The following ZCWPW2 variants were observed in gnomAD, a reference collection of about 807,000 sequenced individuals.
ZCWPW2 encodes zinc finger CW-type PWWP domain protein 2.
ZCWPW2 carries 45 observed loss-of-function variants against 46.6 expected under a neutral mutation model. The observed-to-expected ratio is 0.96, with a 90% confidence interval of 0.76 to 1.24. The LOEUF (loss-of-function observed/expected upper bound fraction) is 1.24. Among genes scored for constraint, ZCWPW2 ranks in the 50% most tolerant of loss-of-function variants. ZCWPW2 has a pLI of 0.00. For missense variants in ZCWPW2, 429 were observed against 403.9 expected (o/e 1.06, Z -0.53); for synonymous variants, 152 against 137.1 (o/e 1.11, Z -0.76).
At chr3:28,495,774 A>C (rs1451447921) in intron 6 of ZCWPW2, among the ~76,000 whole-genome samples, 4 of 152,044 alleles carry the variant, frequency 2.6e-5, no homozygotes, top group Non-Finnish European at 5.9e-5. Context: ...CCTTTACCAC[A>C]GATAGTTTGA....
chr3:28,504,927 A>G (rs1324630477), intron 6 of ZCWPW2, among the ~76,000 whole-genome samples: 6 of 152,180 alleles, frequency 3.9e-5, no homozygotes, highest in African/African-American at 1.4e-4. Flanking sequence ...TACAAAAAGA[A>G]ATACCTGGAT....
At position 28,436,039 on chromosome 3, in the gene ZCWPW2, C is replaced by G. The variant is rs147573863; in HGVS notation, c.492+770C>G. ...TTGACTCTTTTTAAACTTTAAATCT[C>G]ACATTATAATTAATAGATAGATTAT... is the stretch of plus-strand genomic sequence containing the variant. On this transcript the variant is annotated intron_variant, in intron 4 of 9. Coordinates refer to ENST00000383768, the MANE Select transcript of ZCWPW2 (RefSeq NM_001040432.4). 6.6e-4 allele frequency among the ~76,000 whole-genome samples: 101 copies of G among 152,222 alleles called. 2 individuals are homozygous for G. Among genetic ancestry groups the G allele is most frequent in the African/African-American group, 2.3e-3 (94 of 41,540 alleles).
At chr3:28,372,246 G>A (rs1705360742) in intron 1 of ZCWPW2, among the ~76,000 whole-genome samples, 1 of 152,104 alleles carries the variant, frequency 6.6e-6, no homozygotes, top group African/African-American at 2.4e-5. Context: ...GATGTAGTTA[G>A]AGATTTATGT....
intron 1 of ZCWPW2, among the ~76,000 whole-genome samples, chr3:28,368,262 A>G (rs1264098952): frequency 6.6e-6 from 1 of 152,100 alleles, no homozygotes; most frequent in Admixed American, 6.6e-5. Flanking sequence ...ACAATTTGGC[A>G]TGTTTTTGCA....
chr3:28,512,910 A>G (rs1386854195), intron 6 of ZCWPW2, among the ~76,000 whole-genome samples: 1 of 151,706 alleles, frequency 6.6e-6, no homozygotes, highest in African/African-American at 2.4e-5. Context: ...ATTTAGGTTT[A>G]TTGCTGTAAT....
intron 1 of ZCWPW2, among the ~76,000 whole-genome samples, chr3:28,360,751 C>A (rs970913082): frequency 1.3e-5 from 2 of 150,924 alleles, no homozygotes; most frequent in Middle Eastern, 3.2e-3. Flanking sequence ...AAAACAAAAA[C>A]AAAAACAGAA....
chr3:28,450,724 A>G (rs1317496921), intron 4 of ZCWPW2, among the ~76,000 whole-genome samples: 2 of 152,132 alleles, frequency 1.3e-5, no homozygotes, highest in Admixed American at 6.5e-5. Flanking sequence ...AGATATTCCT[A>G]TATACATATA....
At chr3:28,380,714 T>C (rs1391358593) in intron 1 of ZCWPW2, among the ~76,000 whole-genome samples, 1 of 151,644 alleles carries the variant, frequency 6.6e-6, no homozygotes, top group Non-Finnish European at 1.5e-5. Flanking sequence ...TAGTCAAACT[T>C]GATTAATCTC....
At chr3:28,521,225 T>G in intron 9 of ZCWPW2, 109 bp downstream of exon 9, 1 of 1,236,572 alleles carries the variant, frequency 8.1e-7, no homozygotes, top group East Asian at 3.0e-5. Context: ...TTTTCATGTC[T>G]GAAATTTGAG....
At chr3:28,422,309 T>G (rs935679057) in intron 3 of ZCWPW2, among the ~76,000 whole-genome samples, 1 of 152,206 alleles carries the variant, frequency 6.6e-6, no homozygotes, top group Non-Finnish European at 1.5e-5. Context: ...TAATGACATG[T>G]GTCCACCATT....
intron 8 of ZCWPW2, among the ~76,000 whole-genome samples, chr3:28,516,189 G>A (rs951591122): frequency 1.3e-5 from 2 of 150,926 alleles, no homozygotes; most frequent in Admixed American, 6.6e-5. Context: ...GCAGTGAGCC[G>A]AGATCACACC....
chr3:28,483,357 T>C (rs898672675), intron 5 of ZCWPW2, among the ~76,000 whole-genome samples: 2 of 152,170 alleles, frequency 1.3e-5, no homozygotes, highest in African/African-American at 4.8e-5. Flanking sequence ...GTCTGTTCTT[T>C]TGCCAATACC....
chr3:28,487,611 C>CATAT (rs1316951151), intron 5 of ZCWPW2, among the ~76,000 whole-genome samples: 83 of 152,152 alleles, frequency 5.5e-4, no homozygotes, highest in Non-Finnish European at 7.8e-4. Flanking sequence ...TTGATCTGGT[C>CATAT]CTGCTGCTTG....
In ZCWPW2 at chr3:28,349,023, C is replaced by G. The variant is rs992932257; in HGVS notation, c.-314C>G. 1.0e-6 allele frequency: 1 copy of G among 985,904 alleles called. No homozygotes were observed. The highest frequency in any genetic ancestry group is 1.2e-6 in the Non-Finnish European group (1 of 830,456). 61.1% of individuals were successfully genotyped at this position (985,904 alleles called of 1,614,324 possible). On this transcript the variant is annotated 5_prime_UTR_variant, in exon 1 of 10. Transcript: ENST00000383768. ...CTGTCCGCGGGCTCGGCGCCAGGGA[C>G]GCGCGAGGAAACCGGAAGTCAGGCC...
chr3:28,379,859 T>A (rs1705617749), intron 1 of ZCWPW2, among the ~76,000 whole-genome samples: 1 of 152,190 alleles, frequency 6.6e-6, no homozygotes, highest in Admixed American at 6.5e-5. Context: ...AGAAGGTGGC[T>A]TTCTGTTTTG....
At chr3:28,397,084 A>C (rs1695730499) in intron 2 of ZCWPW2, among the ~76,000 whole-genome samples, 1 of 151,754 alleles carries the variant, frequency 6.6e-6, no homozygotes, top group Non-Finnish European at 1.5e-5. Context: ...AGACAAGATC[A>C]CATCACTGCA....
chr3:28,351,874 C>T (rs1264616897), intron 1 of ZCWPW2, among the ~76,000 whole-genome samples: 1 of 152,088 alleles, frequency 6.6e-6, no homozygotes, highest in Non-Finnish European at 1.5e-5. Context: ...ATATCAGCTT[C>T]AGTGTCATTC....
intron 6 of ZCWPW2, among the ~76,000 whole-genome samples, chr3:28,502,159 C>G (rs143706437): frequency 6.6e-6 from 1 of 152,144 alleles, no homozygotes; most frequent in African/African-American, 2.4e-5. Flanking sequence ...AACTTCATAA[C>G]TAACCCTGCT....
At chr3:28,376,457 T>G (rs988336247) in intron 1 of ZCWPW2, among the ~76,000 whole-genome samples, 3 of 152,164 alleles carry the variant, frequency 2.0e-5, no homozygotes, top group African/African-American at 7.2e-5. Flanking sequence ...ATTCTAGAGG[T>G]ATGAGTCTAT....
Sources: gnomAD v4.1 joint callset for allele counts (sites outside exome capture counted in the v4.1 genomes callset) on GRCh38, gnomAD v4.1.1 for gene constraint, MANE v1.5 for transcripts, NCBI Gene and HGNC (gene_info 2026-07-23, HGNC 2026-07-21) for gene names.